Variants in DGKB observed in about 807,000 individuals in gnomAD.
DGKB encodes 90 kDa diacylglycerol kinase.
DGKB carries 67 observed loss-of-function variants against 114.3 expected under a neutral mutation model. The ratio of observed to expected loss-of-function variants is 0.59; its 90% CI spans 0.48 to 0.72. The LOEUF (loss-of-function observed/expected upper bound fraction) is 0.72, where lower values mean the gene tolerates loss of function less well. Among genes scored for constraint, DGKB ranks in the 30% least tolerant of loss-of-function variants. The pLI, the probability that DGKB is intolerant of heterozygous loss-of-function variation, is 0.00. For synonymous variants in DGKB, 398 were observed against 323.1 expected (o/e 1.23, Z -2.49); for missense variants, 907 against 975.2 (o/e 0.93, Z 0.93).
In DGKB at chr7:14,156,826, T is replaced by C. The variant is rs147949507; in HGVS notation, c.2305-7588A>G. Among the ~76,000 whole-genome samples the C allele has an allele frequency of 5.7e-3, 867 of 152,290 alleles. 10 individuals carry two copies. Among genetic ancestry groups the C allele is most frequent in the African/African-American group, 0.02 (817 of 41,556 alleles). ...TCTTTATTATACTAAGTGCCACCAT[T>C]CAGAAATCATTCTGTGGAAATTCTG... is the stretch of plus-strand genomic sequence containing the variant. On this transcript the variant is annotated intron_variant, in intron 25 of 25. Coordinates refer to ENST00000402815, the MANE Select transcript of DGKB (RefSeq NM_001350709.2).
At chr7:14,485,096 CCACACACACACACACACACA>C (rs10563734) in intron 20 of DGKB, among the ~76,000 whole-genome samples, 2 of 141,506 alleles carry the variant, frequency 1.4e-5, no homozygotes, top group East Asian at 2.2e-4. Context: ...CACACACACA[CCACACACACACACACACACA>C]CACACACACA....
chr7:14,923,983 C>CAAAAAAAAAAAAAAAAAAAA (rs56032330), intron 1 of DGKB, among the ~76,000 whole-genome samples: 17 of 76,160 alleles, frequency 2.2e-4, no homozygotes, highest in African/African-American at 9.5e-4. Flanking sequence ...AGCTCCATCT[C>CAAAAAAAAAAAAAAAAAAAA]AAAAAAAAAA....
intron 2 of DGKB, among the ~76,000 whole-genome samples, chr7:14,828,518 G>T (rs1845998704): frequency 6.6e-6 from 1 of 152,044 alleles, no homozygotes; most frequent in South Asian, 2.1e-4. Flanking sequence ...GCAAGCTCAT[G>T]AATTCCCCTC....
intron 23 of DGKB, among the ~76,000 whole-genome samples, chr7:14,203,823 G>T (rs909566334): frequency 1.3e-5 from 2 of 151,956 alleles, no homozygotes; most frequent in African/African-American, 4.8e-5. Context: ...GGTGACCATT[G>T]GAAGGATGTC....
chr7:14,688,391 T>A (rs943771248), intron 9 of DGKB, among the ~76,000 whole-genome samples: 6 of 152,116 alleles, frequency 3.9e-5, no homozygotes, highest in Non-Finnish European at 7.4e-5. Context: ...AATACCCACT[T>A]CCCTTTTCCA....
rs181541897 is a variant in DGKB, at chr7:14,843,109, G to T, written c.-187-1659C>A. Reference sequence around the variant, plus strand: ...GTCTCAGCTACTCAGGGGGAATAGTGGGGGAGCTGAGGTGGGAGAATCACT... The same window carrying T: ...GTCTCAGCTACTCAGGGGGAATAGTTGGGGAGCTGAGGTGGGAGAATCACT... On this transcript the variant is annotated intron_variant, in intron 1 of 25. Coordinates refer to ENST00000402815, the MANE Select transcript of DGKB (RefSeq NM_001350709.2). 1.2e-4 allele frequency among the ~76,000 whole-genome samples: 18 copies of T among 151,844 alleles called. No individual in the cohort carries two copies. The South Asian group carries it at 3.1e-3, about 26-fold the overall frequency.
chr7:14,763,898 C>G (rs560334733), intron 2 of DGKB, among the ~76,000 whole-genome samples: 26 of 152,072 alleles, frequency 1.7e-4, no homozygotes, highest in African/African-American at 5.5e-4. Flanking sequence ...ATGTTTCCCA[C>G]GTTCAGTAGA....
At chr7:14,588,748 T>A (rs1801194060) in intron 17 of DGKB, among the ~76,000 whole-genome samples, 1 of 152,126 alleles carries the variant, frequency 6.6e-6, no homozygotes, top group Non-Finnish European at 1.5e-5. Flanking sequence ...TTCTATTCTC[T>A]ATTGTGTTTT....
At chr7:14,277,651 TTATC>T (rs1289819399) in intron 23 of DGKB, among the ~76,000 whole-genome samples, 3 of 152,216 alleles carry the variant, frequency 2.0e-5, no homozygotes, top group Non-Finnish European at 4.4e-5. Flanking sequence ...AACATTTTCT[TTATC>T]CATTCATCTG....
chr7:14,373,373 C>T (rs1817982849), intron 21 of DGKB, among the ~76,000 whole-genome samples: 1 of 152,034 alleles, frequency 6.6e-6, no homozygotes, highest in Non-Finnish European at 1.5e-5. Flanking sequence ...TTGTTTGTTT[C>T]TATTTGTGAA....
intron 14 of DGKB, among the ~76,000 whole-genome samples, chr7:14,623,086 A>T (rs867044370): frequency 7.2e-5 from 11 of 152,344 alleles, no homozygotes; most frequent in African/African-American, 2.4e-4. Context: ...ATCCTAAATC[A>T]GTGACTAACA....
At chr7:14,244,487 T>C (rs1479853542) in intron 23 of DGKB, among the ~76,000 whole-genome samples, 1 of 144,534 alleles carries the variant, frequency 6.9e-6, no homozygotes, top group Non-Finnish European at 1.5e-5. Context: ...AAACCCCGTC[T>C]CTACTAAAAG....
rs551465114 is a variant in DGKB at position 14,762,268 on chromosome 7, T to C, written c.71-4537A>G. On this transcript the variant is annotated intron_variant, in intron 2 of 25. Transcript: ENST00000402815. ...ATGTTTATGGGGAGATGAGTTGACT[T>C]TCTCCTATACTTTACCTTTCTATCA... is the stretch of plus-strand genomic sequence containing the variant. Among the ~76,000 whole-genome samples the C allele has an allele frequency of 9.2e-4, 140 of 152,148 alleles. 1 individual carries two copies. The highest frequency in any genetic ancestry group is 3.3e-3 in the African/African-American group (135 of 41,528).
intron 19 of DGKB, 27 bp downstream of exon 19, chr7:14,580,834 TC>T (rs766818904): frequency 6.5e-7 from 1 of 1,545,034 alleles, no homozygotes; most frequent in Non-Finnish European, 8.9e-7. Context: ...GTGTACTGTT[TC>T]TGCTTTTGTT....
intron 23 of DGKB, among the ~76,000 whole-genome samples, chr7:14,236,442 G>A (rs1792796656): frequency 6.6e-6 from 1 of 151,574 alleles, no homozygotes; most frequent in Admixed American, 6.6e-5. Flanking sequence ...AGAACATAAA[G>A]TTATTATAAT....
At position 14,544,726 on chromosome 7, in the gene DGKB, T is replaced by C. The variant is rs1794011916; in HGVS notation, c.1770+29486A>G. Among the ~76,000 whole-genome samples the C allele has an allele frequency of 1.3e-5, 2 of 152,188 alleles. 1 individual carries two copies. Among genetic ancestry groups the C allele is most frequent in the South Asian group, 4.1e-4 (2 of 4,830 alleles). On this transcript the variant is annotated intron_variant, in intron 20 of 25. Transcript: ENST00000402815. ...AACATTGGAGTCTGGATAATAGTAA[T>C]GATAATAAAAACTTGACATGTTGTT...
intron 13 of DGKB, among the ~76,000 whole-genome samples, chr7:14,656,098 C>T (rs1324542122): frequency 6.6e-6 from 1 of 151,562 alleles, no homozygotes; most frequent in Non-Finnish European, 1.5e-5. Context: ...CTGATTTAAT[C>T]ACTGCATATT....
At chr7:14,566,154 A>G (rs1797353199) in intron 20 of DGKB, among the ~76,000 whole-genome samples, 1 of 152,194 alleles carries the variant, frequency 6.6e-6, no homozygotes, top group Non-Finnish European at 1.5e-5. Context: ...ATGCTTTAGG[A>G]AGATGTAATA....
At chr7:14,973,293 T>G (rs1787585550) in intron 1 of DGKB, among the ~76,000 whole-genome samples, 1 of 151,912 alleles carries the variant, frequency 6.6e-6, no homozygotes, top group Non-Finnish European at 1.5e-5. Context: ...CATTTTTAAT[T>G]GAAATTAAAT....
Sources: gnomAD v4.1 joint callset for allele counts (sites outside exome capture counted in the v4.1 genomes callset) on GRCh38, gnomAD v4.1.1 for gene constraint, MANE v1.5 for transcripts, NCBI Gene and HGNC (gene_info 2026-07-23, HGNC 2026-07-21) for gene names.